Variants in CFAP61 observed in about 807,000 individuals in gnomAD.
The protein encoded by CFAP61 is cilia- and flagella-associated protein 61.
In CFAP61, 107 loss-of-function variants were observed where a neutral mutation model predicts 135.6. That is an observed-to-expected ratio of 0.79 (90% CI 0.67 to 0.93). CFAP61 has a LOEUF of 0.93. CFAP61 is among the 40% of genes least tolerant of loss of function. The probability of loss-of-function intolerance (pLI) is 0.00; values close to 1 mark genes in which losing one functional copy is unlikely to be tolerated. For missense variants in CFAP61, 1,507 were observed against 1,556.2 expected, an observed-to-expected ratio of 0.97 and a Z score of 0.53; for synonymous variants, 575 against 578.5, an observed-to-expected ratio of 0.99 and a Z score of 0.09.
chr20:20,075,051 T>A lies in CFAP61; in HGVS notation c.372-138T>A, dbSNP rs1568839947. On this transcript the variant is annotated intron_variant, in intron 4 of 26. Coordinates refer to ENST00000245957, the MANE Select transcript of CFAP61 (RefSeq NM_015585.4). ...AATTGCCTTGAGGCTGTTCTTGCCA[T>A]TGCAGGTGGGGAGCAAAGGAGCCCA... The A allele has an allele frequency of 3.9e-6, 3 of 761,644 alleles. No individual in the cohort carries two copies. The East Asian group carries it at 7.7e-5, about 20-fold the overall frequency. 47.2% of individuals were successfully genotyped at this position (761,644 alleles called of 1,614,324 possible).
At chr20:20,191,244 T>C in intron 14 of CFAP61, 98 bp from the exon 15 acceptor site, 1 of 925,438 alleles carries the variant, frequency 1.1e-6, no homozygotes, top group South Asian at 1.5e-5. Flanking sequence ...GTTTGTTCTG[T>C]TGTTATGTGA....
At position 20,296,025 on chromosome 20, in the gene CFAP61, TCTTTCTTTTCTTCCTC is replaced by T. The variant is rs2055428955; in HGVS notation, c.3217-2154_3217-2139del. ...TCCTTCCTTCCCTCCTTTCCTTCCT[TCTTTCTTTTCTTCCTC>T]CCTCCCTTCCTTCCCTTCCTTCCCT... On this transcript the variant is annotated intron_variant, in intron 24 of 26. Transcript: ENST00000245957. 2.8e-5 allele frequency among the ~76,000 whole-genome samples: 2 copies of T among 72,048 alleles called. 1 individual carries two copies. The highest frequency in any genetic ancestry group is 6.0e-5 in the Non-Finnish European group (2 of 33,538). The allele number at this position is 72,048 out of a possible 152,430, so 47.3% of individuals were successfully genotyped here. A position where few individuals can be genotyped will look rare whatever the true frequency, so the allele number is the denominator to read the frequency against.
chr20:20,245,341 TG>T (rs201320579), intron 18 of CFAP61, among the ~76,000 whole-genome samples: 3,271 of 152,288 alleles, frequency 0.021, 67 homozygotes, highest in Middle Eastern at 0.099. Context: ...TCCACGTGGC[TG>T]GGGAGGCCTC....
chr20:20,181,644 G>A (rs2055107402), intron 13 of CFAP61, among the ~76,000 whole-genome samples: 1 of 152,150 alleles, frequency 6.6e-6, no homozygotes, highest in South Asian at 2.1e-4. Flanking sequence ...GACCTGGAGA[G>A]GTAAAGCCTT....
chr20:20,274,133 A>G (rs2424314), intron 21 of CFAP61, among the ~76,000 whole-genome samples: 64,091 of 151,978 alleles, frequency 0.42, 13,795 homozygotes, highest in Non-Finnish European at 0.45. Context: ...TTTGAGTGAA[A>G]CCCATGTTAT....
intron 12 of CFAP61, among the ~76,000 whole-genome samples, chr20:20,166,708 A>T (rs981900412): frequency 5.3e-5 from 8 of 150,660 alleles, no homozygotes; most frequent in Non-Finnish European, 2.9e-5. Flanking sequence ...TCATAGTAAT[A>T]CATGAAAATG....
At chr20:20,224,453 T>C (rs1411912527) in intron 17 of CFAP61, among the ~76,000 whole-genome samples, 1 of 152,184 alleles carries the variant, frequency 6.6e-6, no homozygotes, top group Non-Finnish European at 1.5e-5. Context: ...CTATGGTTTG[T>C]ATTTTAAAGT....
chr20:20,102,085 C>CT (rs1025288261), intron 8 of CFAP61, among the ~76,000 whole-genome samples: 1 of 152,172 alleles, frequency 6.6e-6, no homozygotes, highest in Admixed American at 6.5e-5. Context: ...TTTTTTAAAA[C>CT]TGTGAAAGGC....
intron 22 of CFAP61, among the ~76,000 whole-genome samples, chr20:20,283,735 T>G (rs1021960006): frequency 6.6e-6 from 1 of 152,244 alleles, no homozygotes; most frequent in African/African-American, 2.4e-5. Flanking sequence ...CCCACTTCCT[T>G]GCTGGCCCAG....
intron 8 of CFAP61, among the ~76,000 whole-genome samples, chr20:20,101,763 T>A (rs1435054451): frequency 6.6e-6 from 1 of 152,004 alleles, no homozygotes; most frequent in Non-Finnish European, 1.5e-5. Context: ...GTAGCTGAGA[T>A]TACATGTGTG....
chr20:20,224,054 G>A (rs1456895619), intron 17 of CFAP61, among the ~76,000 whole-genome samples: 1 of 152,130 alleles, frequency 6.6e-6, no homozygotes, highest in Non-Finnish European at 1.5e-5. Flanking sequence ...AAAATGCATG[G>A]CAGAAATTGT....
At chr20:20,175,150 C>T (rs1486755675) in intron 13 of CFAP61, among the ~76,000 whole-genome samples, 1 of 152,226 alleles carries the variant, frequency 6.6e-6, no homozygotes, top group Non-Finnish European at 1.5e-5. Context: ...TTTACAAGAG[C>T]TTGTTTGTCC....
At chr20:20,180,245 C>T (rs1168263800) in intron 13 of CFAP61, among the ~76,000 whole-genome samples, 3 of 151,958 alleles carry the variant, frequency 2.0e-5, no homozygotes, top group African/African-American at 4.8e-5. Flanking sequence ...AGGAGAATGG[C>T]GTGAACCCGC....
chr20:20,304,587 G>A (rs922368097), intron 25 of CFAP61, among the ~76,000 whole-genome samples: 4 of 150,732 alleles, frequency 2.7e-5, no homozygotes, highest in Middle Eastern at 3.4e-3. Flanking sequence ...CCAGTCACAC[G>A]CTCACACACA....
chr20:20,153,777 G>A (rs193161190), intron 9 of CFAP61, among the ~76,000 whole-genome samples: 115 of 152,068 alleles, frequency 7.6e-4, no homozygotes, highest in African/African-American at 2.6e-3. Context: ...ATTCTATCAG[G>A]CATTCAAAGA....
In CFAP61 at chr20:20,341,924, A is replaced by T. The variant is rs1459997121; in HGVS notation, c.3513+3A>T. The T allele has an allele frequency of 4.4e-6, 7 of 1,594,792 alleles. No homozygotes were observed. Among genetic ancestry groups the T allele is most frequent in the Non-Finnish European group, 6.0e-6 (7 of 1,163,724 alleles). On this transcript the variant is annotated splice_donor_region_variant and intron_variant, in intron 26 of 26. Transcript: ENST00000245957. ...GCCAAATCTTAGCCTCCAAGGAGGT[A>T]AGAGTGATTAATGGATATGTGGATT...
chr20:20,176,625 A>G (rs894217792), intron 13 of CFAP61, among the ~76,000 whole-genome samples: 1 of 152,138 alleles, frequency 6.6e-6, no homozygotes, highest in African/African-American at 2.4e-5. Flanking sequence ...CAAACACCGC[A>G]CGTTCTCACT....
intron 6 of CFAP61, chr20:20,085,274 A>C: frequency 2.0e-6 from 2 of 985,336 alleles, no homozygotes; most frequent in Non-Finnish European, 2.4e-6. Context: ...TGACTGCATG[A>C]GTTGTTTTCC....
At position 20,277,069 on chromosome 20, in the gene CFAP61, G is replaced by T. The variant is rs75762394; in HGVS notation, c.2504-97G>T. 506 of 944,896 alleles carry T rather than the reference G, an allele frequency of 5.4e-4. 5 individuals carry two copies. In the African/African-American group the frequency reaches 7.8e-3, roughly 14 times the overall value. 58.5% of individuals were successfully genotyped at this position (944,896 alleles called of 1,614,324 possible). On this transcript the variant is annotated intron_variant, in intron 21 of 26. Coordinates refer to ENST00000245957, the MANE Select transcript of CFAP61 (RefSeq NM_015585.4). ...CGCTGGCTTCCTGCAGCTGAAAAAT[G>T]AGAGGGTTATACGGAGCAATTCGGC... is the stretch of plus-strand genomic sequence containing the variant.
Sources: gnomAD v4.1 joint callset for allele counts (sites outside exome capture counted in the v4.1 genomes callset) on GRCh38, gnomAD v4.1.1 for gene constraint, MANE v1.5 for transcripts, NCBI Gene and HGNC (gene_info 2026-07-23, HGNC 2026-07-21) for gene names.